ACSM3: variants seen among roughly 807,000 people sequenced by gnomAD.
The protein encoded by ACSM3 is acyl-coenzyme A synthetase ACSM3, mitochondrial.
In ACSM3, 61 loss-of-function variants were observed where a neutral mutation model predicts 74.1. The ratio of observed to expected loss-of-function variants is 0.82; its 90% CI spans 0.67 to 1.02. The LOEUF (loss-of-function observed/expected upper bound fraction) is 1.02. Ranked by LOEUF, ACSM3 falls within the 50% of genes least tolerant of loss-of-function variation. The pLI is 0.00. For synonymous variants in ACSM3, 213 were observed against 241.5 expected (o/e 0.88, Z 1.09); for missense variants, 660 against 697.0 (o/e 0.95, Z 0.60).
At chr16:20,683,789 C>T (rs983870982) in intron 1 of ACSM3, among the ~76,000 whole-genome samples, 4 of 150,484 alleles carry the variant, frequency 2.7e-5, no homozygotes, top group Non-Finnish European at 5.9e-5. Flanking sequence ...AGGATGGTCT[C>T]GATCTCCTGA....
intron 1 of ACSM3, chr16:20,737,637 AAAG>A (rs1342959629): frequency 4.0e-6 from 6 of 1,488,860 alleles, no homozygotes; most frequent in Non-Finnish European, 5.4e-6. Flanking sequence ...AAATCTTTAA[AAAG>A]AAAAAAATCC....
chr16:20,682,969 C>T (rs1023898653), intron 1 of ACSM3, among the ~76,000 whole-genome samples: 10 of 152,080 alleles, frequency 6.6e-5, no homozygotes, highest in Admixed American at 3.9e-4. Flanking sequence ...ATCTCCATTG[C>T]CAACAGTGAG....
At chr16:20,794,753 CT>C (rs1458706781) in intron 12 of ACSM3, among the ~76,000 whole-genome samples, 1 of 152,142 alleles carries the variant, frequency 6.6e-6, no homozygotes, top group Non-Finnish European at 1.5e-5. Context: ...ATCATAATCT[CT>C]TTTACAGAGA....
chr16:20,779,709 A>G (rs2080310273), intron 4 of ACSM3: 1 of 153,096 alleles, frequency 6.5e-6, no homozygotes, highest in Admixed American at 6.6e-5. Flanking sequence ...TGTCTGCTAT[A>G]TCCAGAACTA....
intron 1 of ACSM3, chr16:20,691,236 C>T (rs1446544925): frequency 2.7e-6 from 4 of 1,457,428 alleles, no homozygotes; most frequent in Non-Finnish European, 3.7e-6. Context: ...AAGTCACCAC[C>T]TGCCTTGGGA....
intron 1 of ACSM3, among the ~76,000 whole-genome samples, chr16:20,689,630 A>G (rs2079617012): frequency 6.6e-6 from 1 of 152,234 alleles, no homozygotes; most frequent in Non-Finnish European, 1.5e-5. Context: ...TTTATAATAA[A>G]ATGCTTATAG....
At chr16:20,771,371 CT>C (rs57406215) in intron 2 of ACSM3, among the ~76,000 whole-genome samples, 5,501 of 85,174 alleles carry the variant, frequency 0.065, 410 homozygotes, top group African/African-American at 0.19. Flanking sequence ...GGCCGAGCTC[CT>C]TTTTTTTTTT....
At position 20,725,267 on chromosome 16, in the gene ACSM3, T is replaced by G. The variant is rs370589878; in HGVS notation, c.-189-24643T>G. On this transcript the variant is annotated intron_variant, in intron 1 of 3. Coordinates refer to the ACSM3 transcript ENST00000561584. Reference sequence around the variant, plus strand: ...TAGTAGTGACCACGGGATGGGCACATGTTAATGGAAGGGAATGACAGGGTG... The same window carrying G: ...TAGTAGTGACCACGGGATGGGCACAGGTTAATGGAAGGGAATGACAGGGTG... The G allele has an allele frequency of 9.2e-4, 156 of 168,672 alleles. 5 individuals are homozygous for G. In the South Asian group the frequency reaches 0.027, roughly 29 times the overall value. The allele number at this position is 168,672 out of a possible 1,614,324, so 10.4% of individuals were successfully genotyped here. A position where few individuals can be genotyped will look rare whatever the true frequency, so the allele number is the denominator to read the frequency against.
At chr16:20,756,181 T>C (rs2080030065) in intron 3 of ACSM3, among the ~76,000 whole-genome samples, 1 of 151,632 alleles carries the variant, frequency 6.6e-6, no homozygotes, top group South Asian at 2.1e-4. Context: ...ATGGTATTTC[T>C]AGTTCTAGAT....
At chr16:20,733,098 A>C (rs2079840764) in intron 1 of ACSM3, 1 of 152,342 alleles carries the variant, frequency 6.6e-6, no homozygotes, top group South Asian at 2.1e-4. Context: ...TTCCTGGTTT[A>C]AGTTTTTGTT....
At chr16:20,779,750 C>G (rs2080311124) in intron 4 of ACSM3, 1 of 157,326 alleles carries the variant, frequency 6.4e-6, no homozygotes, top group Non-Finnish European at 1.4e-5. Flanking sequence ...ACAGAAAAGC[C>G]AACCTTTCAC....
At chr16:20,756,368 A>T (rs1160540352) in intron 3 of ACSM3, among the ~76,000 whole-genome samples, 2 of 151,568 alleles carry the variant, frequency 1.3e-5, no homozygotes, top group African/African-American at 4.9e-5. Flanking sequence ...TTTGATTTGC[A>T]TTTCTCTGAT....
chr16:20,788,736 C>G (rs990741473), intron 9 of ACSM3, among the ~76,000 whole-genome samples: 1 of 152,202 alleles, frequency 6.6e-6, no homozygotes, highest in African/African-American at 2.4e-5. Context: ...TCCCCAGACA[C>G]AGAAGATTTT....
At position 20,780,978 on chromosome 16, in the gene ACSM3, T is replaced by G; in HGVS notation, c.787T>G (p.Trp263Gly). Residue 263 changes from tryptophan to glycine, a missense_variant, in exon 6 of 14, where the codon TGG (tryptophan) becomes GGG (glycine). Physicochemically the swap from Trp to Gly is radical, Grantham distance 184 (BLOSUM62 -2). Coordinates refer to ENST00000289416, the MANE Select transcript of ACSM3 (RefSeq NM_005622.4). ...GLGLSVNGRF[W>G]LDLTPSDVMW... ...GGCTACTCTTTGTTTTCCCAGGTTC[T>G]GGCTAGATTTGACACCCTCAGATGT... 6.2e-7 allele frequency: 1 copy of G among 1,614,166 alleles called. No individual in the cohort carries two copies. Among genetic ancestry groups the G allele is most frequent in the Non-Finnish European group, 8.5e-7 (1 of 1,180,024 alleles).
chr16:20,715,006 T>A (rs1488479569), intron 1 of ACSM3, among the ~76,000 whole-genome samples: 1 of 152,134 alleles, frequency 6.6e-6, no homozygotes, highest in African/African-American at 2.4e-5. Context: ...GATAGATAGA[T>A]AGGTAGATAG....
intron 1 of ACSM3, among the ~76,000 whole-genome samples, chr16:20,698,121 G>A (rs1465384962): frequency 6.6e-6 from 1 of 150,918 alleles, no homozygotes. Flanking sequence ...GTGAACACGG[G>A]AGGCGGAGCT....
chr16:20,694,084 C>G (rs1252593277), intron 1 of ACSM3, among the ~76,000 whole-genome samples: 1 of 152,264 alleles, frequency 6.6e-6, no homozygotes, highest in Non-Finnish European at 1.5e-5. Flanking sequence ...GCCTGTTCCT[C>G]TTGCTTATTT....
chr16:20,748,030 G>C (rs1037708064), intron 1 of ACSM3, among the ~76,000 whole-genome samples: 2 of 152,102 alleles, frequency 1.3e-5, no homozygotes, highest in Non-Finnish European at 2.9e-5. Flanking sequence ...CCAGCTACTT[G>C]GGGGGCTGAG....
chr16:20,675,447 C>T (rs964822679), intron 1 of ACSM3, among the ~76,000 whole-genome samples: 5 of 152,254 alleles, frequency 3.3e-5, no homozygotes, highest in East Asian at 1.9e-4. Context: ...GGGAAAGGCA[C>T]GTTCCTGGCT....
Sources: gnomAD v4.1 joint callset for allele counts (sites outside exome capture counted in the v4.1 genomes callset) on GRCh38, gnomAD v4.1.1 for gene constraint, MANE v1.5 for transcripts, NCBI Gene and HGNC (gene_info 2026-07-23, HGNC 2026-07-21) for gene names.